Variants in ZNF438 observed in about 807,000 individuals in gnomAD.
ZNF438 encodes the protein zinc finger protein 438.
Under a neutral mutation model 38.0 loss-of-function variants are expected in ZNF438, and 25 were observed. The ratio of observed to expected loss-of-function variants is 0.66; its 90% CI spans 0.48 to 0.92. ZNF438 has a LOEUF of 0.92. ZNF438 is among the 40% of genes least tolerant of loss of function. ZNF438 has a pLI of 0.00. For missense variants in ZNF438, 1,007 were observed against 999.6 expected, an observed-to-expected ratio of 1.01 and a Z score of -0.10; for synonymous variants, 372 against 364.1, an observed-to-expected ratio of 1.02 and a Z score of -0.25.
intron 1 of ZNF438, among the ~76,000 whole-genome samples, chr10:30,953,577 T>G (rs1268171028): frequency 1.3e-5 from 2 of 149,974 alleles, no homozygotes; most frequent in Non-Finnish European, 3.0e-5. Flanking sequence ...TAAGAATCAA[T>G]TATACATATG....
At chr10:30,865,547 GAC>G (rs1236751806) in intron 4 of ZNF438, among the ~76,000 whole-genome samples, 11 of 152,310 alleles carry the variant, frequency 7.2e-5, no homozygotes, top group Admixed American at 4.6e-4. Context: ...TAAAACTGAT[GAC>G]ACTAAAGAAC....
chr10:30,970,103 GAT>G (rs1195306224), intron 1 of ZNF438, among the ~76,000 whole-genome samples: 1 of 101,408 alleles, frequency 9.9e-6, no homozygotes, highest in Non-Finnish European at 1.9e-5. Flanking sequence ...AATGCTGGCT[GAT>G]ACACACACAC....
chr10:30,929,343 C>T (rs1025128299), intron 2 of ZNF438, among the ~76,000 whole-genome samples: 1 of 152,084 alleles, frequency 6.6e-6, no homozygotes, highest in Non-Finnish European at 1.5e-5. Flanking sequence ...CTGGTGGGTT[C>T]GTGGTCTGGC....
At chr10:30,868,100 G>A (rs918188730) in intron 4 of ZNF438, among the ~76,000 whole-genome samples, 11 of 147,576 alleles carry the variant, frequency 7.5e-5, no homozygotes, top group African/African-American at 2.3e-4. Flanking sequence ...ACGGAGTTTC[G>A]CTTTTGTTGC....
Position 31,022,124 on chromosome 10 carries a change from G to A in ZNF438, c.-192+9709C>T, listed in dbSNP as rs186245686. On this transcript the variant is annotated intron_variant, in intron 1 of 5. Coordinates refer to ENST00000413025, the Ensembl canonical transcript of ZNF438. ...GTGTGACAAAAAGTGGATTTTATACGACAACTGGCAACGACCAGCTCAGTG... is the reference window on the plus strand; with the variant it reads ...GTGTGACAAAAAGTGGATTTTATACAACAACTGGCAACGACCAGCTCAGTG... 1.9e-3 allele frequency among the ~76,000 whole-genome samples: 289 copies of A among 152,182 alleles called. 2 individuals are homozygous for A. Among genetic ancestry groups the A allele is most frequent in the South Asian group, 0.011 (53 of 4,826 alleles).
At chr10:30,865,336 T>G (rs1377860005) in intron 4 of ZNF438, among the ~76,000 whole-genome samples, 4 of 152,206 alleles carry the variant, frequency 2.6e-5, no homozygotes, top group Non-Finnish European at 4.4e-5. Context: ...TAACAGAACT[T>G]CTGGTGACCA....
intron 1 of ZNF438, among the ~76,000 whole-genome samples, chr10:30,998,520 G>A (rs972455902): frequency 1.7e-4 from 18 of 106,180 alleles, no homozygotes; most frequent in African/African-American, 6.6e-4. Flanking sequence ...TCCAGCCTGG[G>A]TGACAGAGAG....
intron 1 of ZNF438, among the ~76,000 whole-genome samples, chr10:30,997,531 G>C (rs2054176001): frequency 1.3e-5 from 2 of 151,834 alleles, no homozygotes; most frequent in Non-Finnish European, 2.9e-5. Context: ...AGACACTAGT[G>C]GTTGCCTACC....
intron 2 of ZNF438, among the ~76,000 whole-genome samples, chr10:30,928,187 AG>A (rs1266527676): frequency 2.0e-5 from 3 of 152,244 alleles, no homozygotes; most frequent in African/African-American, 7.2e-5. Context: ...ACTAGAATTT[AG>A]AACATCTGAA....
intron 2 of ZNF438, among the ~76,000 whole-genome samples, chr10:30,932,841 G>A (rs1477553514): frequency 2.0e-5 from 3 of 152,300 alleles, no homozygotes; most frequent in South Asian, 4.1e-4. Flanking sequence ...ACAAGAGGAG[G>A]AAAATTTGGA....
At chr10:31,029,730 A>G (rs1195636951) in intron 1 of ZNF438, among the ~76,000 whole-genome samples, 1 of 152,154 alleles carries the variant, frequency 6.6e-6, no homozygotes, top group Non-Finnish European at 1.5e-5. Flanking sequence ...GTTTTCCATC[A>G]CAGTTAGAAC....
intron 3 of ZNF438, among the ~76,000 whole-genome samples, chr10:30,888,896 G>A (rs1564576016): frequency 6.6e-6 from 1 of 152,166 alleles, no homozygotes; most frequent in African/African-American, 2.4e-5. Context: ...ACCCAGTGAT[G>A]GGATTGCTGG....
At chr10:31,006,302 A>G (rs2055120431) in intron 1 of ZNF438, among the ~76,000 whole-genome samples, 1 of 152,174 alleles carries the variant, frequency 6.6e-6, no homozygotes, top group East Asian at 1.9e-4. Flanking sequence ...AGGGTCTGAA[A>G]GTTAAGTTGA....
chr10:30,876,087 G>C (rs971954392), intron 4 of ZNF438, among the ~76,000 whole-genome samples: 2 of 152,214 alleles, frequency 1.3e-5, no homozygotes, highest in African/African-American at 4.8e-5. Context: ...AAGTTTTACA[G>C]TTAAGTGGTA....
intron 4 of ZNF438, among the ~76,000 whole-genome samples, chr10:30,867,508 G>A (rs947203517): frequency 2.0e-5 from 3 of 152,158 alleles, no homozygotes; most frequent in African/African-American, 7.2e-5. Context: ...AATATTGACA[G>A]ATACAACCCA....
exon 5 of ZNF438, chr10:30,849,233 T>C (rs748662387): frequency 6.2e-7 from 1 of 1,614,192 alleles, no homozygotes; most frequent in Admixed American, 1.7e-5. Context: ...CAAAATTTCA[T>C]CTGGTACCTT....
chr10:30,916,319 C>A (rs367782305), intron 2 of ZNF438, among the ~76,000 whole-genome samples: 2 of 151,968 alleles, frequency 1.3e-5, no homozygotes, highest in East Asian at 1.9e-4. Flanking sequence ...TTTAAGTGTA[C>A]CTCTAATTTC....
At chr10:30,859,884 C>T (rs1436569066) in intron 4 of ZNF438, among the ~76,000 whole-genome samples, 3 of 152,032 alleles carry the variant, frequency 2.0e-5, no homozygotes, top group East Asian at 1.9e-4. Context: ...TATTTTGAAA[C>T]GTAAATGAAG....
At chr10:31,011,158 A>G (rs541297141) in intron 1 of ZNF438, among the ~76,000 whole-genome samples, 1 of 152,276 alleles carries the variant, frequency 6.6e-6, no homozygotes, top group African/African-American at 2.4e-5. Flanking sequence ...GCACAGGCTG[A>G]GCAGAGAGAG....
Sources: gnomAD v4.1 joint callset for allele counts (sites outside exome capture counted in the v4.1 genomes callset) on GRCh38, gnomAD v4.1.1 for gene constraint, MANE v1.5 for transcripts, NCBI Gene and HGNC (gene_info 2026-07-23, HGNC 2026-07-21) for gene names.